The following DGKI variants were observed in gnomAD, a reference collection of about 807,000 sequenced individuals.
DGKI encodes the protein diacylglycerol kinase iota.
DGKI carries 55 observed loss-of-function variants against 147.5 expected under a neutral mutation model. The ratio of observed to expected loss-of-function variants is 0.37; its 90% CI spans 0.30 to 0.47. The LOEUF (loss-of-function observed/expected upper bound fraction) is 0.47, where lower values mean the gene tolerates loss of function less well. Among genes scored for constraint, DGKI ranks in the 20% least tolerant of loss-of-function variants. The probability of loss-of-function intolerance (pLI) is 1.00; values close to 1 mark genes in which losing one functional copy is unlikely to be tolerated. For synonymous variants in DGKI, 469 were observed against 477.1 expected, an observed-to-expected ratio of 0.98 and a Z score of 0.22; for missense variants, 1,007 against 1,323.8, an observed-to-expected ratio of 0.76 and a Z score of 3.71.
chr7:137,696,417 C>T (rs1285563017), intron 1 of DGKI, among the ~76,000 whole-genome samples: 1 of 122,520 alleles, frequency 8.2e-6, no homozygotes, highest in African/African-American at 3.2e-5. Flanking sequence ...TAAATAAATG[C>T]AATGCCCAAA....
chr7:137,732,424 G>C (rs1325377103), intron 1 of DGKI, among the ~76,000 whole-genome samples: 1 of 152,014 alleles, frequency 6.6e-6, no homozygotes, highest in East Asian at 1.9e-4. Flanking sequence ...ACAATATGCT[G>C]TAAGAATGTT....
chr7:137,617,946 A>C (rs2128996265), intron 8 of DGKI, among the ~76,000 whole-genome samples: 1 of 150,764 alleles, frequency 6.6e-6, no homozygotes, highest in Non-Finnish European at 1.5e-5. Context: ...CTTTTTCTTC[A>C]TTTGCTTGAA....
At chr7:137,558,310 C>T (rs1318240616) in intron 19 of DGKI, among the ~76,000 whole-genome samples, 2 of 152,096 alleles carry the variant, frequency 1.3e-5, no homozygotes, top group Non-Finnish European at 2.9e-5. Flanking sequence ...GATGGAGTCT[C>T]ACTCTGTTGC....
intron 21 of DGKI, among the ~76,000 whole-genome samples, chr7:137,510,553 C>A (rs1445875114): frequency 6.6e-6 from 1 of 152,202 alleles, no homozygotes; most frequent in Non-Finnish European, 1.5e-5. Context: ...ATCTGAAAAT[C>A]AAGATGAAAT....
intron 28 of DGKI, among the ~76,000 whole-genome samples, chr7:137,430,754 A>T (rs757387676): frequency 2.0e-5 from 3 of 152,102 alleles, no homozygotes; most frequent in Non-Finnish European, 2.9e-5. Flanking sequence ...ACAGATTTCT[A>T]TAGAGAACAG....
Position 137,577,113 on chromosome 7 carries a change from C to T in DGKI, c.1761+109G>A, listed in dbSNP as rs183816106. ...TGAATGAACTACACAAAATGATCTC[C>T]AAAGTTCTATGCAGTCCAGTGATTC... On this transcript the variant is annotated intron_variant, in intron 17 of 32. Transcript: ENST00000614521. 9.0e-3 allele frequency: 7,137 copies of T among 790,314 alleles called. 95 individuals carry two copies. The highest frequency in any genetic ancestry group is 0.03 in the South Asian group (1,889 of 63,528). 49.0% of individuals were successfully genotyped at this position (790,314 alleles called of 1,614,324 possible). A position where few individuals can be genotyped will look rare whatever the true frequency, so the allele number is the denominator to read the frequency against.
At chr7:137,528,101 T>G (rs976252792) in intron 20 of DGKI, among the ~76,000 whole-genome samples, 1 of 152,188 alleles carries the variant, frequency 6.6e-6, no homozygotes, top group Non-Finnish European at 1.5e-5. Context: ...CAACTGTACA[T>G]GGTTCTGATG....
intron 1 of DGKI, among the ~76,000 whole-genome samples, chr7:137,729,824 C>T (rs56396952): frequency 1.3e-3 from 197 of 152,218 alleles, no homozygotes; most frequent in African/African-American, 4.5e-3. Context: ...CCTCTACTAA[C>T]TTTTTCAAAC....
At chr7:137,545,891 T>C (rs1817846327) in intron 20 of DGKI, 2 of 702,072 alleles carry the variant, frequency 2.8e-6, no homozygotes. Flanking sequence ...AGAATGGCAC[T>C]GTACTCACAT....
At chr7:137,506,594 G>A (rs549320115) in intron 21 of DGKI, among the ~76,000 whole-genome samples, 1 of 152,186 alleles carries the variant, frequency 6.6e-6, no homozygotes, top group Non-Finnish European at 1.5e-5. Flanking sequence ...GTACACTATG[G>A]GATTCAGGCA....
chr7:137,720,666 C>G (rs186755135), intron 1 of DGKI, among the ~76,000 whole-genome samples: 4 of 152,036 alleles, frequency 2.6e-5, no homozygotes, highest in African/African-American at 9.7e-5. Context: ...TAATTTTGCC[C>G]TGGGATTTAT....
intron 1 of DGKI, among the ~76,000 whole-genome samples, chr7:137,733,038 T>G (rs1307549189): frequency 2.0e-5 from 3 of 152,082 alleles, no homozygotes; most frequent in Non-Finnish European, 4.4e-5. Context: ...GTCCTTATCT[T>G]AATTACTACG....
intron 30 of DGKI, among the ~76,000 whole-genome samples, chr7:137,402,832 T>C (rs969537791): frequency 6.6e-6 from 1 of 151,912 alleles, no homozygotes; most frequent in Non-Finnish European, 1.5e-5. Context: ...GTCAGTTCTC[T>C]CTGGGACCAG....
chr7:137,428,773 G>T (rs1812929831), intron 28 of DGKI, among the ~76,000 whole-genome samples: 1 of 152,070 alleles, frequency 6.6e-6, no homozygotes, highest in Non-Finnish European at 1.5e-5. Context: ...CAAACAGAGA[G>T]CCAAATCATG....
At chr7:137,644,224 C>T (rs1420681335) in intron 6 of DGKI, among the ~76,000 whole-genome samples, 4 of 152,192 alleles carry the variant, frequency 2.6e-5, no homozygotes, top group Admixed American at 6.5e-5. Flanking sequence ...CTTCCCCCTT[C>T]GGCCTTGTTT....
chr7:137,617,745 A>T (rs1820583804), intron 8 of DGKI, among the ~76,000 whole-genome samples: 1 of 152,074 alleles, frequency 6.6e-6, no homozygotes, highest in African/African-American at 2.4e-5. Flanking sequence ...GTGATTTTGT[A>T]CTGTAATACC....
At chr7:137,800,475 T>C (rs1022102398) in intron 1 of DGKI, among the ~76,000 whole-genome samples, 2 of 152,100 alleles carry the variant, frequency 1.3e-5, no homozygotes, top group African/African-American at 4.8e-5. Flanking sequence ...TCTCCTGCCA[T>C]GTGAGACACC....
chr7:137,539,211 T>C (rs1478847628), intron 20 of DGKI, among the ~76,000 whole-genome samples: 1 of 152,190 alleles, frequency 6.6e-6, no homozygotes, highest in Non-Finnish European at 1.5e-5. Flanking sequence ...GAAACTATCA[T>C]TGCTTCTTTT....
rs1277681105 is a variant in DGKI, at chr7:137,846,177, A to T, written c.401+285T>A. Reference sequence around the variant, plus strand: ...CTCTCTCTCTCACACACACACACACACACACACACACACACACACACACAC... The same window carrying T: ...CTCTCTCTCTCACACACACACACACTCACACACACACACACACACACACAC... On this transcript the variant is annotated intron_variant, in intron 1 of 32. Transcript: ENST00000614521. This position sits in a 1 kb window ranked among gnomAD's most constrained non-coding sequence, Gnocchi z 4.0. Among the ~76,000 whole-genome samples, 366 of 143,050 alleles carry T rather than the reference A, an allele frequency of 2.6e-3. No homozygotes were observed. Among genetic ancestry groups the T allele is most frequent in the African/African-American group, 9.2e-3 (325 of 35,372 alleles). 93.8% of individuals were successfully genotyped at this position (143,050 alleles called of 152,430 possible).
Sources: gnomAD v4.1 joint callset for allele counts (sites outside exome capture counted in the v4.1 genomes callset) on GRCh38, gnomAD v4.1.1 for gene constraint, Gnocchi (gnomAD v3.1) non-coding constraint, MANE v1.5 for transcripts, NCBI Gene and HGNC (gene_info 2026-07-23, HGNC 2026-07-21) for gene names.